The following DZIP3 variants were observed in gnomAD, a reference collection of about 807,000 sequenced individuals.
DZIP3 encodes E3 ubiquitin-protein ligase DZIP3.
Under a neutral mutation model 162.0 loss-of-function variants are expected in DZIP3, and 118 were observed. The observed-to-expected ratio is 0.73, with a 90% CI of 0.63 to 0.85. DZIP3 has a LOEUF of 0.85. DZIP3 is among the 40% of genes least tolerant of loss of function. DZIP3 has a pLI of 0.00. For missense variants in DZIP3, 1,331 were observed against 1,407.0 expected (o/e 0.95, Z 0.86); for synonymous variants, 438 against 458.6 (o/e 0.96, Z 0.57).
chr3:108,679,583 T>C (rs1944230733), intron 26 of DZIP3, among the ~76,000 whole-genome samples: 1 of 152,050 alleles, frequency 6.6e-6, no homozygotes, highest in African/African-American at 2.4e-5. Flanking sequence ...AGGAGAGAGT[T>C]TGGGAGAAGA....
chr3:108,631,583 C>CTT (rs10708434), intron 8 of DZIP3, among the ~76,000 whole-genome samples: 43 of 101,342 alleles, frequency 4.2e-4, no homozygotes, highest in East Asian at 1.1e-3. Flanking sequence ...TTATTATTCC[C>CTT]TTTTTTTTTT....
At chr3:108,656,182 G>GGAC (rs1943109106) in intron 19 of DZIP3, among the ~76,000 whole-genome samples, 1 of 152,170 alleles carries the variant, frequency 6.6e-6, no homozygotes, top group Non-Finnish European at 1.5e-5. Flanking sequence ...ATCTGAGAAC[G>GGAC]GACAGCCTGC....
intron 4 of DZIP3, among the ~76,000 whole-genome samples, chr3:108,613,538 G>A (rs1576359322): frequency 6.6e-6 from 1 of 151,982 alleles, no homozygotes; most frequent in Non-Finnish European, 1.5e-5. Flanking sequence ...TAATACTAAA[G>A]GAAAAAGACA....
intron 19 of DZIP3, among the ~76,000 whole-genome samples, chr3:108,656,861 G>A (rs755047273): frequency 5.9e-5 from 9 of 152,166 alleles, no homozygotes; most frequent in African/African-American, 1.9e-4. Flanking sequence ...CTCAGTAGCC[G>A]ATTCACTCAA....
chr3:108,684,523 T>A (rs1220712701), intron 27 of DZIP3, among the ~76,000 whole-genome samples, 182 bp downstream of exon 27: 1 of 152,176 alleles, frequency 6.6e-6, no homozygotes, highest in East Asian at 1.9e-4. Flanking sequence ...ATTATTTAAC[T>A]GATACTAGCT....
intron 22 of DZIP3, 77 bp downstream of exon 22, chr3:108,669,826 G>A (rs1374384578): frequency 5.0e-6 from 6 of 1,195,636 alleles, no homozygotes; most frequent in Non-Finnish European, 7.3e-6. Context: ...CTGGCATATT[G>A]ATGTAATTTA....
At position 108,636,644 on chromosome 3, in the gene DZIP3, A is replaced by C. The variant is rs767506776; in HGVS notation, c.947A>C (p.Glu316Ala). Residue 316 changes from glutamate to alanine, a missense_variant, in exon 11 of 33, where the codon GAA (glutamate) becomes GCA (alanine). Glu to Ala is a moderately radical substitution (Grantham distance 107, BLOSUM62 -1). Transcript: ENST00000361582. ...TTTAGTGGGAAAAAATGTTTGAAGG[A>C]AGGATGTACAGGTGACATGGTAAGG... ...QSFSGKKCLKEGCTGDMVRML... is the reference protein window; with the variant it reads ...QSFSGKKCLKAGCTGDMVRML... 6.4e-7 allele frequency: 1 copy of C among 1,567,092 alleles called. No homozygotes were observed. The highest frequency in any genetic ancestry group is 8.6e-7 in the Non-Finnish European group (1 of 1,164,372).
chr3:108,596,133 A>G (rs1366961590), intron 1 of DZIP3, among the ~76,000 whole-genome samples: 1 of 152,238 alleles, frequency 6.6e-6, no homozygotes, highest in Non-Finnish European at 1.5e-5. Context: ...TGTATGCCAA[A>G]TAACAAATCA....
chr3:108,643,696 C>T (rs1432846536), intron 13 of DZIP3, among the ~76,000 whole-genome samples: 1 of 151,766 alleles, frequency 6.6e-6, no homozygotes, highest in African/African-American at 2.4e-5. Flanking sequence ...ACCCAAACCG[C>T]ATTTCCAATG....
At position 108,654,203 on chromosome 3, in the gene DZIP3, G is replaced by A. The variant is rs761746683; in HGVS notation, c.2092G>A (p.Val698Ile). Reference sequence around the variant, plus strand: ...GAAAGAACAAGCAAATCCACACTCAGTCAGTAGACTTATAAAAGATGATGC... The same window carrying A: ...GAAAGAACAAGCAAATCCACACTCAATCAGTAGACTTATAAAAGATGATGC... ...LRKEQANPHSVSRLIKDDASD... is the reference protein window; with the variant it reads ...LRKEQANPHSISRLIKDDASD... Residue 698 changes from valine (V) to isoleucine (I), a missense_variant, in exon 19 of 33, where the codon GTC (valine) becomes ATC (isoleucine). Val to Ile is a conservative substitution (Grantham distance 29). This residue lies in a region of DZIP3 where 1,278 missense variants were observed against 1,317.1 expected (regional missense o/e 0.97). Transcript: ENST00000361582. 2 of 1,613,774 alleles carry A rather than the reference G, an allele frequency of 1.2e-6. No homozygotes were observed. Among genetic ancestry groups the A allele is most frequent in the South Asian group, 2.2e-5 (2 of 91,080 alleles).
At chr3:108,647,174 C>T (rs1942661880) in intron 15 of DZIP3, among the ~76,000 whole-genome samples, 1 of 152,194 alleles carries the variant, frequency 6.6e-6, no homozygotes, top group African/African-American at 2.4e-5. Flanking sequence ...TAACGTTTTA[C>T]TCACAAAAAC....
At chr3:108,630,541 A>G (rs1457659806) in intron 8 of DZIP3, among the ~76,000 whole-genome samples, 1 of 152,134 alleles carries the variant, frequency 6.6e-6, no homozygotes, top group Non-Finnish European at 1.5e-5. Context: ...AGTAATCAAT[A>G]GAACATGCAG....
chr3:108,627,966 A>T (rs935051751), intron 7 of DZIP3, among the ~76,000 whole-genome samples: 1 of 151,830 alleles, frequency 6.6e-6, no homozygotes, highest in Admixed American at 6.6e-5. Flanking sequence ...GCAACCTCCA[A>T]CTCCCTGGTT....
chr3:108,616,761 A>T (rs1011772801), intron 5 of DZIP3, 104 bp downstream of exon 5: 2 of 773,166 alleles, frequency 2.6e-6, no homozygotes, highest in Non-Finnish European at 4.2e-6. Context: ...GCCAATTTTT[A>T]TTTTTTTCTT....
At position 108,669,669 on chromosome 3, in the gene DZIP3, T is replaced by C. The variant is rs1433590446; in HGVS notation, c.2424-12T>C. On this transcript the variant is annotated splice_polypyrimidine_tract_variant and intron_variant, in intron 21 of 32. Coordinates refer to ENST00000361582, the MANE Select transcript of DZIP3 (RefSeq NM_014648.4). ...TTCTAACATCTTTTGACTTTCTTGCTTGTTTGCTTAGATTACAGCGTCAAA... is the reference window on the plus strand; with the variant it reads ...TTCTAACATCTTTTGACTTTCTTGCCTGTTTGCTTAGATTACAGCGTCAAA... 6.2e-7 allele frequency: 1 copy of C among 1,609,956 alleles called. No individual in the cohort carries two copies. Among genetic ancestry groups the C allele is most frequent in the South Asian group, 1.1e-5 (1 of 90,758 alleles).
chr3:108,660,243 A>G (rs1054571419), intron 19 of DZIP3, among the ~76,000 whole-genome samples: 28 of 152,368 alleles, frequency 1.8e-4, no homozygotes, highest in Non-Finnish European at 3.8e-4. Flanking sequence ...AAAGTATACT[A>G]CAAGGCTACA....
intron 1 of DZIP3, among the ~76,000 whole-genome samples, chr3:108,592,581 A>C (rs1384494043): frequency 6.6e-6 from 1 of 151,924 alleles, no homozygotes; most frequent in African/African-American, 2.4e-5. Context: ...CTGTAGTCCC[A>C]GCTACTCAGG....
rs1944796099 is a variant in DZIP3 at position 108,694,124 on chromosome 3, C to CA, written c.*773dup. 1 of 152,086 alleles carries CA rather than the reference C, an allele frequency of 6.6e-6. No homozygotes were observed. The highest frequency in any genetic ancestry group is 2.4e-5 in the African/African-American group (1 of 41,418). The allele number at this position is 152,086 out of a possible 1,614,324, so 9.4% of individuals were successfully genotyped here. A position where few individuals can be genotyped will look rare whatever the true frequency, so the allele number is the denominator to read the frequency against. On this transcript the variant is annotated 3_prime_UTR_variant, in exon 33 of 33. Coordinates refer to ENST00000361582, the MANE Select transcript of DZIP3 (RefSeq NM_014648.4). ...GAATAAATGTTTCCTGACTCAGAAA[C>CA]AATTTTGCCTCCATATTTCAGTGCA... is the stretch of plus-strand genomic sequence containing the variant.
intron 21 of DZIP3, among the ~76,000 whole-genome samples, chr3:108,665,057 T>C (rs1943611807): frequency 6.6e-6 from 1 of 152,078 alleles, no homozygotes; most frequent in Non-Finnish European, 1.5e-5. Flanking sequence ...CTCATAATAT[T>C]CAAAATATCT....
Sources: allele counts gnomAD v4.1 joint callset (sites outside exome capture counted in the v4.1 genomes callset), GRCh38; gene constraint gnomAD v4.1.1; regional missense constraint gnomAD v4.1.1; transcripts MANE v1.5; gene names NCBI Gene and HGNC (gene_info 2026-07-23, HGNC 2026-07-21).